CCDC141: variants seen among roughly 807,000 people sequenced by gnomAD.
The protein encoded by CCDC141 is coiled-coil domain containing 141, also known as coiled-coil domain-containing protein 141.
CCDC141 carries 168 observed loss-of-function variants against 181.0 expected under a neutral mutation model. That is an observed-to-expected ratio of 0.93 (90% CI 0.82 to 1.05). The LOEUF is 1.05. CCDC141 is among the 50% of genes least tolerant of loss of function. CCDC141 has a pLI of 0.00. For synonymous variants in CCDC141, 666 were observed against 642.3 expected, an observed-to-expected ratio of 1.04 and a Z score of -0.56; for missense variants, 1,902 against 1,788.5, an observed-to-expected ratio of 1.06 and a Z score of -1.14.
chr2:178,875,557 T>G (rs984781265), intron 12 of CCDC141: 4 of 150,334 alleles, frequency 2.7e-5, no homozygotes, highest in Non-Finnish European at 5.9e-5. Flanking sequence ...AGAGCGAGAC[T>G]CCATCTAAAA....
At chr2:179,043,377 A>C (rs2043377680) in intron 2 of CCDC141, among the ~76,000 whole-genome samples, 1 of 152,062 alleles carries the variant, frequency 6.6e-6, no homozygotes, top group Non-Finnish European at 1.5e-5. Flanking sequence ...CCTGATGCCA[A>C]AACCTGGCAG....
chr2:178,879,302 A>T (rs553842610), intron 11 of CCDC141, among the ~76,000 whole-genome samples: 2 of 152,244 alleles, frequency 1.3e-5, no homozygotes, highest in Non-Finnish European at 2.9e-5. Context: ...AGAGCAATCT[A>T]AACAGGGTAA....
At chr2:178,863,279 C>G (rs79984883) in intron 17 of CCDC141, among the ~76,000 whole-genome samples, 7 of 152,140 alleles carry the variant, frequency 4.6e-5, no homozygotes, top group Non-Finnish European at 7.4e-5. Context: ...TCTCAAAAAT[C>G]CATTGCAAGT....
intron 2 of CCDC141, among the ~76,000 whole-genome samples, chr2:178,986,611 C>A (rs1175856172): frequency 6.6e-6 from 1 of 151,332 alleles, no homozygotes; most frequent in Admixed American, 6.6e-5. Flanking sequence ...TAAGCAACTT[C>A]AGCAAAGTCT....
rs1354665125 is a variant in CCDC141, at chr2:178,978,509, G to T, written c.392C>A (p.Ser131Tyr). Reference protein sequence around the residue: ...ERRTELLRLTSEFFENALEFA... With the variant: ...ERRTELLRLTYEFFENALEFA... The stretch of plus-strand genomic sequence containing the variant: ...CTCTAAGGCATTTTCAAAAAATTCA[G>T]AAGTCAACCTAAGGAGCTCTGTTCT... The change falls in exon 3 of 24, where the codon TCT becomes TAT. Residue 131 changes from serine to tyrosine, a missense_variant. Ser to Tyr is a moderately radical substitution (Grantham distance 144). Transcript: ENST00000443758. 8 of 1,505,174 alleles carry T rather than the reference G, an allele frequency of 5.3e-6. No individual in the cohort carries two copies. The highest frequency in any genetic ancestry group is 7.1e-6 in the Non-Finnish European group (8 of 1,127,834). 93.2% of individuals were successfully genotyped at this position (1,505,174 alleles called of 1,614,324 possible).
At chr2:178,937,695 T>C (rs1689346860) in intron 6 of CCDC141, among the ~76,000 whole-genome samples, 1 of 152,112 alleles carries the variant, frequency 6.6e-6, no homozygotes, top group South Asian at 2.1e-4. Flanking sequence ...TATGAATCCA[T>C]CTGGTCTTAG....
intron 6 of CCDC141, 104 bp from the exon 7 acceptor site, chr2:178,919,011 G>C: frequency 9.5e-7 from 1 of 1,052,604 alleles, no homozygotes; most frequent in Non-Finnish European, 1.4e-6. Context: ...CCAAGGTGAT[G>C]ATATTAGGAA....
At chr2:178,846,121 AG>A (rs1684929381) in intron 21 of CCDC141, among the ~76,000 whole-genome samples, 1 of 152,188 alleles carries the variant, frequency 6.6e-6, no homozygotes. Context: ...AAAGATCTCT[AG>A]GGGAGAAGAA....
chr2:178,983,503 G>A (rs1290298940), intron 2 of CCDC141, among the ~76,000 whole-genome samples: 4 of 151,198 alleles, frequency 2.6e-5, no homozygotes, highest in South Asian at 2.1e-4. Flanking sequence ...GGCTTCAGAC[G>A]ATCAAATTAT....
chr2:179,013,693 C>T (rs556536628), intron 2 of CCDC141, among the ~76,000 whole-genome samples: 2 of 152,076 alleles, frequency 1.3e-5, no homozygotes, highest in Admixed American at 6.5e-5. Flanking sequence ...CTAGACAGGG[C>T]GCAGTGGCTC....
At chr2:178,971,904 A>G (rs1690907425) in intron 4 of CCDC141, among the ~76,000 whole-genome samples, 1 of 152,064 alleles carries the variant, frequency 6.6e-6, no homozygotes, top group Non-Finnish European at 1.5e-5. Flanking sequence ...GGAGGGGAAC[A>G]TCACACACCG....
At chr2:178,844,996 T>C (rs1482982151) in intron 22 of CCDC141, among the ~76,000 whole-genome samples, 1 of 152,224 alleles carries the variant, frequency 6.6e-6, no homozygotes, top group Non-Finnish European at 1.5e-5. Flanking sequence ...ACTTTCAAAA[T>C]CATGATACAT....
chr2:178,895,389 GC>G (rs1687358799), intron 8 of CCDC141, among the ~76,000 whole-genome samples: 2 of 152,116 alleles, frequency 1.3e-5, no homozygotes. Flanking sequence ...TCTTTAGTCA[GC>G]CTTCCTCTGG....
At position 179,023,436 on chromosome 2, in the gene CCDC141, T is replaced by A. The variant is rs559266089; in HGVS notation, c.225+23848A>T. Among the ~76,000 whole-genome samples, 14 of 152,368 alleles carry A rather than the reference T, an allele frequency of 9.2e-5. 1 individual carries two copies. The South Asian group carries it at 2.1e-3, about 23-fold the overall frequency. Reference sequence around the variant, plus strand: ...AACTGCTAAGTTATGTTGCCTGTTATGAAATTTAACTCATATGATTTTTTA... The same window carrying A: ...AACTGCTAAGTTATGTTGCCTGTTAAGAAATTTAACTCATATGATTTTTTA... On this transcript the variant is annotated intron_variant, in intron 2 of 23. Coordinates refer to ENST00000443758, the MANE Select transcript of CCDC141 (RefSeq NM_173648.4).
At position 179,009,986 on chromosome 2, in the gene CCDC141, C is replaced by T. The variant is rs1351190755; in HGVS notation, c.226-31311G>A. Among the ~76,000 whole-genome samples, 3 of 152,050 alleles carry T rather than the reference C, an allele frequency of 2.0e-5. 1 individual carries two copies. Among genetic ancestry groups the T allele is most frequent in the Admixed American group, 2.0e-4 (3 of 15,262 alleles). ...AAACATTCAGGAAACTTTGGACACA[C>T]TTTTAGAAATGTGAAATCCTCTGGA... On this transcript the variant is annotated intron_variant, in intron 2 of 23. Transcript: ENST00000443758.
chr2:178,964,895 T>C (rs527480861), intron 4 of CCDC141, among the ~76,000 whole-genome samples: 3 of 152,326 alleles, frequency 2.0e-5, no homozygotes, highest in Non-Finnish European at 2.9e-5. Context: ...ACTTAGAAGA[T>C]AGTCGATAAA....
At chr2:178,821,846 T>C in the CCDC141 span, among the ~76,000 whole-genome samples, 1 of 152,218 alleles carries the variant, frequency 6.6e-6, no homozygotes, top group Non-Finnish European at 1.5e-5. Flanking sequence ...TGGAAGACTG[T>C]GGTGATTCCT....
At chr2:179,008,259 C>G (rs2042168603) in intron 2 of CCDC141, among the ~76,000 whole-genome samples, 1 of 152,284 alleles carries the variant, frequency 6.6e-6, no homozygotes, top group South Asian at 2.1e-4. Flanking sequence ...TAGAGTTCAG[C>G]CATGCTCATT....
In CCDC141 at chr2:178,869,220, T is replaced by C. The variant is rs1575150602; in HGVS notation, c.2291A>G (p.Gln764Arg). 6.2e-7 allele frequency: 1 copy of C among 1,613,794 alleles called. No homozygotes were observed. Among genetic ancestry groups the C allele is most frequent in the Non-Finnish European group, 8.5e-7 (1 of 1,179,788 alleles). ...RGAPVKEKSQ[Q>R]LKDLIHFHQK... ...ATGGAAGTGAATAAGGTCCTTCAGT[T>C]GTTGAGACTTTTCTTTTACAGGGGC... The change falls in exon 15 of 24, where the codon CAA (glutamine) becomes CGA (arginine). Residue 764 changes from glutamine to arginine, a missense_variant. By Grantham distance (43) the Gln-to-Arg change is conservative (BLOSUM62 1). Transcript: ENST00000443758.
Sources: allele counts gnomAD v4.1 joint callset (sites outside exome capture counted in the v4.1 genomes callset), GRCh38; gene constraint gnomAD v4.1.1; transcripts MANE v1.5; gene names NCBI Gene and HGNC (gene_info 2026-07-23, HGNC 2026-07-21).